Variants in KALRN observed in about 807,000 individuals in gnomAD.
KALRN encodes the protein kalirin.
In KALRN, 70 loss-of-function variants were observed where a neutral mutation model predicts 353.7. The ratio of observed to expected loss-of-function variants is 0.20; its 90% CI spans 0.16 to 0.24. The LOEUF (loss-of-function observed/expected upper bound fraction) is 0.24, where lower values mean the gene tolerates loss of function less well. Ranked by LOEUF, KALRN falls within the 10% of genes least tolerant of loss-of-function variation. The pLI, the probability that KALRN is intolerant of heterozygous loss-of-function variation, is 1.00. For synonymous variants in KALRN, 1,391 were observed against 1,434.8 expected, an observed-to-expected ratio of 0.97 and a Z score of 0.69; for missense variants, 2,791 against 3,756.7, an observed-to-expected ratio of 0.74 and a Z score of 6.72.
rs569306033 is a variant in KALRN at position 124,068,287 on chromosome 3, C to T, written c.73+34474C>T. 3.3e-5 allele frequency among the ~76,000 whole-genome samples: 5 copies of T among 152,344 alleles called. No individual in the cohort carries two copies. The East Asian group carries it at 7.7e-4, about 23-fold the overall frequency. On this transcript the variant is annotated intron_variant, in intron 1 of 59. Coordinates refer to ENST00000682506, the MANE Select transcript of KALRN (RefSeq NM_001388419.1). ...TCAGTATACTTGTCTGGGCCCTTGT[C>T]AGCCTCTACTTGGTGTAACCTGCCT...
chr3:124,604,501 AAGGTT>A (rs2149484516), intron 34 of KALRN, among the ~76,000 whole-genome samples: 1 of 152,282 alleles, frequency 6.6e-6, no homozygotes, highest in South Asian at 2.1e-4. Context: ...TTGGGAAACG[AAGGTT>A]GGAGATGAGC....
chr3:124,526,591 A>G (rs988442317), intron 33 of KALRN, among the ~76,000 whole-genome samples: 2 of 152,178 alleles, frequency 1.3e-5, no homozygotes, highest in East Asian at 1.9e-4. Context: ...TAATAATAAT[A>G]ATGATAATAA....
chr3:124,691,429 AAAAT>A (rs1355196822), intron 51 of KALRN, among the ~76,000 whole-genome samples: 4 of 152,232 alleles, frequency 2.6e-5, no homozygotes, highest in Admixed American at 1.3e-4. Context: ...ACTCCGTCTC[AAAAT>A]AAATAAATAA....
chr3:124,515,109 G>GA (rs778356491), intron 33 of KALRN, among the ~76,000 whole-genome samples: 2 of 152,216 alleles, frequency 1.3e-5, no homozygotes, highest in Non-Finnish European at 2.9e-5. Context: ...AGTGGAACGA[G>GA]AAAAGGTATA....
intron 57 of KALRN, among the ~76,000 whole-genome samples, chr3:124,712,114 G>T (rs1271550277): frequency 6.6e-6 from 1 of 152,330 alleles, no homozygotes; most frequent in Admixed American, 6.5e-5. Context: ...CTGCTTGGGT[G>T]ATGGGTGCAC....
rs1161209538 is a variant in KALRN at position 124,724,026 on chromosome 3, G to A, written c.*4556G>A. On this transcript the variant is annotated 3_prime_UTR_variant, in exon 60 of 60. Coordinates refer to ENST00000682506, the MANE Select transcript of KALRN (RefSeq NM_001388419.1). ...TGCTCATTTTTGGAGGACAAACCTT[G>A]AATCTTTTTTTTTTTTTTTAGGTGG... The A allele has an allele frequency of 7.0e-6, 1 of 141,980 alleles. No individual in the cohort carries two copies. Among genetic ancestry groups the A allele is most frequent in the Non-Finnish European group, 1.6e-5 (1 of 63,820 alleles). The allele number at this position is 141,980 out of a possible 1,614,324, so 8.8% of individuals were successfully genotyped here. A position where few individuals can be genotyped will look rare whatever the true frequency, so the allele number is the denominator to read the frequency against.
intron 33 of KALRN, among the ~76,000 whole-genome samples, chr3:124,556,237 G>T (rs531859425): frequency 1.1e-4 from 17 of 152,288 alleles, no homozygotes; most frequent in African/African-American, 4.1e-4. Flanking sequence ...TTCAGTTGCA[G>T]TTAGTAGAAG....
intron 1 of KALRN, among the ~76,000 whole-genome samples, chr3:124,114,212 A>T (rs761642494): frequency 1.3e-5 from 2 of 152,194 alleles, no homozygotes; most frequent in African/African-American, 4.8e-5. Context: ...TGTTCTGGCC[A>T]TTTCATCAGA....
chr3:124,079,720 A>G (rs1188769197), intron 1 of KALRN, among the ~76,000 whole-genome samples: 15 of 152,230 alleles, frequency 9.9e-5, no homozygotes, highest in African/African-American at 2.7e-4. Flanking sequence ...AATGCCTCCA[A>G]TGACAGAGAG....
chr3:124,523,659 T>C (rs1190271291), intron 33 of KALRN, among the ~76,000 whole-genome samples: 3 of 152,270 alleles, frequency 2.0e-5, no homozygotes, highest in African/African-American at 7.2e-5. Context: ...ATCTGATGAC[T>C]GGTTAATCAC....
At chr3:124,339,912 G>A (rs2149497095) in intron 9 of KALRN, among the ~76,000 whole-genome samples, 1 of 152,248 alleles carries the variant, frequency 6.6e-6, no homozygotes, top group South Asian at 2.1e-4. Flanking sequence ...AGAGAACCAG[G>A]TGAGGAATCA....
chr3:124,519,339 A>C (rs1017709244), intron 33 of KALRN: 3 of 985,430 alleles, frequency 3.0e-6, no homozygotes, highest in African/African-American at 1.7e-5. Flanking sequence ...AAGTTTTAAA[A>C]GTCCTCCAGT....
chr3:124,048,561 A>G (rs953674359), intron 1 of KALRN, among the ~76,000 whole-genome samples: 1 of 151,710 alleles, frequency 6.6e-6, no homozygotes, highest in East Asian at 1.9e-4. Flanking sequence ...GGCTCACTGC[A>G]AGCTCCGCCT....
At chr3:124,364,041 A>C (rs79529587) in intron 10 of KALRN, among the ~76,000 whole-genome samples, 2,771 of 152,304 alleles carry the variant, frequency 0.018, 75 homozygotes, top group African/African-American at 0.063. Flanking sequence ...AGGGAGTGCT[A>C]CAGTGCTTCT....
intron 1 of KALRN, among the ~76,000 whole-genome samples, chr3:124,117,278 G>C (rs1487508831): frequency 6.6e-6 from 1 of 152,030 alleles, no homozygotes; most frequent in Admixed American, 6.6e-5. Context: ...CCTGAGCTAG[G>C]GGTCTATACT....
At chr3:124,564,002 T>C (rs1436294219) in intron 34 of KALRN, among the ~76,000 whole-genome samples, 20 of 96,402 alleles carry the variant, frequency 2.1e-4, no homozygotes, top group African/African-American at 8.7e-4. Flanking sequence ...CGAGACTCTG[T>C]CTCAAAAAAA....
chr3:124,379,572 C>A (rs914346749), intron 10 of KALRN, among the ~76,000 whole-genome samples: 1 of 152,210 alleles, frequency 6.6e-6, no homozygotes, highest in African/African-American at 2.4e-5. Flanking sequence ...AGGACCAGAG[C>A]AGTTCTCATT....
Position 124,657,716 on chromosome 3 carries a change from TC to T in KALRN, c.5967-14del, listed in dbSNP as rs758780049. 5.0e-6 allele frequency: 8 copies of T among 1,594,596 alleles called. No homozygotes were observed. The highest frequency in any genetic ancestry group is 2.2e-5 in the South Asian group (2 of 90,596). ...TGAATAATGTGGCTTCCTTCTCTTA[TC>T]CCCTTTCTCCTTTTAGTTTTTTCCT... On this transcript the variant is annotated splice_polypyrimidine_tract_variant and intron_variant, in intron 40 of 59. Transcript: ENST00000682506.
Position 124,577,195 on chromosome 3 carries a change from G to C in KALRN, c.5182+14106G>C, listed in dbSNP as rs922324541. Among the ~76,000 whole-genome samples the C allele has an allele frequency of 1.0e-4, 15 of 144,732 alleles. No homozygotes were observed. The East Asian group carries it at 1.8e-3, about 17-fold the overall frequency. 94.9% of individuals were successfully genotyped at this position (144,732 alleles called of 152,430 possible). A position where few individuals can be genotyped will look rare whatever the true frequency, so the allele number is the denominator to read the frequency against. ...TTGAACCTGGTTCAGACAAGACAGT[G>C]ATCAGTAATACTTCCTGGAAAAAAA... On this transcript the variant is annotated intron_variant, in intron 34 of 59. Transcript: ENST00000682506.
Sources: allele counts gnomAD v4.1 joint callset (sites outside exome capture counted in the v4.1 genomes callset), GRCh38; gene constraint gnomAD v4.1.1; transcripts MANE v1.5; gene names NCBI Gene and HGNC (gene_info 2026-07-23, HGNC 2026-07-21).